The following ZNF486 variants were observed in gnomAD, a reference collection of about 807,000 sequenced individuals.
The protein encoded by ZNF486 is KRAB box only protein 2.
Under a neutral mutation model 12.8 loss-of-function variants are expected in ZNF486, and 12 were observed. That is an observed-to-expected ratio of 0.94 (90% CI 0.60 to 1.52). The LOEUF (loss-of-function observed/expected upper bound fraction) is 1.52, where lower values mean the gene tolerates loss of function less well. ZNF486 is among the 40% of genes most tolerant of loss of function. The pLI is 0.00. For synonymous variants in ZNF486, 231 were observed against 184.9 expected (o/e 1.25, Z -2.02); for missense variants, 738 against 545.0 (o/e 1.35, Z -3.53).
At chr19:20,190,077 C>A (rs994319293) in intron 3 of ZNF486, among the ~76,000 whole-genome samples, 7 of 152,172 alleles carry the variant, frequency 4.6e-5, no homozygotes, top group African/African-American at 1.7e-4. Flanking sequence ...ATTTTGTACT[C>A]ATAGCAACTT....
At chr19:20,167,847 C>G (rs2089601846) in intron 1 of ZNF486, among the ~76,000 whole-genome samples, 1 of 151,490 alleles carries the variant, frequency 6.6e-6, no homozygotes, top group South Asian at 2.1e-4. Context: ...GTTGCTAGGA[C>G]AACTAAATTC....
At chr19:20,194,215 G>A (rs1212559078) in intron 3 of ZNF486, among the ~76,000 whole-genome samples, 2 of 152,088 alleles carry the variant, frequency 1.3e-5, no homozygotes, top group East Asian at 3.9e-4. Flanking sequence ...CTTGCATTAT[G>A]TTATTTTCAG....
intron 1 of ZNF486, among the ~76,000 whole-genome samples, chr19:20,172,868 C>T (rs971578080): frequency 3.2e-4 from 48 of 151,372 alleles, no homozygotes; most frequent in African/African-American, 1.2e-3. Flanking sequence ...GTCTTGAACT[C>T]CTGACCTCGT....
rs374796615 is a variant in ZNF486, at chr19:20,197,776, G to A, written c.1066G>A (p.Gly356Ser). Residue 356 changes from glycine to serine, a missense_variant, in exon 4 of 4, where the codon GGC becomes AGC. Gly to Ser is a moderately conservative substitution (Grantham distance 56, BLOSUM62 0). Transcript: ENST00000335117. ...GAAACCCTACAAATGTGAAGAATGT[G>A]GCAAAGCCTTCACCCGCTCCTCACA... ...GEKPYKCEECGKAFTRSSHLT... is the reference protein window; with the variant it reads ...GEKPYKCEECSKAFTRSSHLT... The A allele has an allele frequency of 9.3e-6, 15 of 1,613,720 alleles. No individual in the cohort carries two copies. The highest frequency in any genetic ancestry group is 1.3e-5 in the Non-Finnish European group (15 of 1,179,950).
chr19:20,174,440 G>C (rs2089683194), intron 1 of ZNF486, among the ~76,000 whole-genome samples: 1 of 151,150 alleles, frequency 6.6e-6, no homozygotes, highest in Non-Finnish European at 1.5e-5. Flanking sequence ...CCAAGCTGCA[G>C]TGCAGTGGCA....
At chr19:20,187,211 C>CCATA (rs2089857460) in intron 3 of ZNF486, among the ~76,000 whole-genome samples, 1 of 151,924 alleles carries the variant, frequency 6.6e-6, no homozygotes, top group Non-Finnish European at 1.5e-5. Flanking sequence ...GTGTATGAGA[C>CCATA]CATACATACA....
intron 1 of ZNF486, among the ~76,000 whole-genome samples, chr19:20,179,657 C>T (rs2089762868): frequency 6.6e-6 from 1 of 152,044 alleles, no homozygotes; most frequent in Non-Finnish European, 1.5e-5. Flanking sequence ...AAAAGCCAGA[C>T]TTTGGATAGA....
intron 1 of ZNF486, chr19:20,174,876 A>T (rs561952660): frequency 1.3e-5 from 2 of 152,320 alleles, no homozygotes; most frequent in East Asian, 3.9e-4. Flanking sequence ...TATTTCATTA[A>T]ATTGGTATGC....
intron 1 of ZNF486, 150 bp downstream of exon 1, chr19:20,167,510 A>G (rs1234563037): frequency 2.2e-6 from 2 of 891,452 alleles, no homozygotes; most frequent in African/African-American, 1.7e-5. Context: ...CTTCAGCCAT[A>G]AGATGGTGGC....
At position 20,167,447 on chromosome 19, in the gene ZNF486, C is replaced by T; in HGVS notation, c.30+87C>T. ...GGAGGGACTCAGGCCTCCCCGTAGT[C>T]AGCTCCACAATCTGCGTCCGGACTT... On this transcript the variant is annotated intron_variant, in intron 1 of 3. Coordinates refer to ENST00000335117, the MANE Select transcript of ZNF486 (RefSeq NM_052852.4). The T allele has an allele frequency of 4.1e-6, 6 of 1,475,800 alleles. No individual in the cohort carries two copies. The East Asian group carries it at 9.1e-5, about 22-fold the overall frequency. 91.4% of individuals were successfully genotyped at this position (1,475,800 alleles called of 1,614,324 possible).
At chr19:20,168,439 G>A (rs2089609246) in intron 1 of ZNF486, among the ~76,000 whole-genome samples, 1 of 152,218 alleles carries the variant, frequency 6.6e-6, no homozygotes, top group Admixed American at 6.5e-5. Context: ...CGGATCACCT[G>A]AGTTCGGGAG....
intron 2 of ZNF486, 52 bp downstream of exon 2, chr19:20,184,534 C>A: frequency 6.6e-7 from 1 of 1,520,778 alleles, no homozygotes; most frequent in South Asian, 1.3e-5. Flanking sequence ...AGTTTTATTT[C>A]TCTTTTTTGC....
chr19:20,167,486 T>G (rs2089597504), intron 1 of ZNF486, 126 bp downstream of exon 1: 1 of 1,097,430 alleles, frequency 9.1e-7, no homozygotes, highest in Non-Finnish European at 1.3e-6. Flanking sequence ...CTTACCCAGC[T>G]CGGCCTCAGT....
intron 1 of ZNF486, among the ~76,000 whole-genome samples, chr19:20,177,828 G>A (rs572386842): frequency 1.8e-4 from 28 of 152,078 alleles, no homozygotes; most frequent in South Asian, 4.2e-4. Context: ...CACCCGCCTC[G>A]GCCTCCCAAA....
At chr19:20,169,891 T>G (rs1200790975) in intron 1 of ZNF486, among the ~76,000 whole-genome samples, 2 of 133,142 alleles carry the variant, frequency 1.5e-5, no homozygotes, top group Non-Finnish European at 3.0e-5. Context: ...GTTGTATGTT[T>G]TTTTTTTTTT....
At chr19:20,176,982 CTG>C (rs1192584219) in intron 1 of ZNF486, 1 of 152,162 alleles carries the variant, frequency 6.6e-6, no homozygotes, top group African/African-American at 2.4e-5. Context: ...TAAGTAGAAA[CTG>C]AGGTTGAAAC....
Position 20,184,467 on chromosome 19 carries a change from C to A in ZNF486, c.142C>A (p.His48Asn), listed in dbSNP as rs534138701. ...GGATGTGATGTTAGAGAACTACAGA[C>A]ACCTGGTCTTCCTTGGTGAGGATAA... ...YRDVMLENYRHLVFLGIIVSK... is the reference protein window; with the variant it reads ...YRDVMLENYRNLVFLGIIVSK... Residue 48 changes from histidine (H) to asparagine (N), a missense_variant, in exon 2 of 4, where the codon CAC becomes AAC. His to Asn is a moderately conservative substitution (Grantham distance 68, BLOSUM62 1). Transcript: ENST00000335117. 8 of 1,610,980 alleles carry A rather than the reference C, an allele frequency of 5.0e-6. No homozygotes were observed. In the East Asian group the frequency reaches 6.7e-5, roughly 13 times the overall value.
intron 1 of ZNF486, among the ~76,000 whole-genome samples, chr19:20,174,332 G>A (rs570466727): frequency 1.3e-5 from 2 of 152,022 alleles, no homozygotes; most frequent in Non-Finnish European, 2.9e-5. Context: ...ATAGTTATGT[G>A]TAATGTTTGT....
chr19:20,177,154 A>C (rs1035690051), intron 1 of ZNF486: 15 of 152,482 alleles, frequency 9.8e-5, no homozygotes, highest in African/African-American at 3.6e-4. Context: ...GCTGTGCCTC[A>C]GTGGCAGATG....
Sources: gnomAD v4.1 joint callset for allele counts (sites outside exome capture counted in the v4.1 genomes callset) on GRCh38, gnomAD v4.1.1 for gene constraint, MANE v1.5 for transcripts, NCBI Gene and HGNC (gene_info 2026-07-23, HGNC 2026-07-21) for gene names.